The following NTM variants were observed in gnomAD, a reference collection of about 807,000 sequenced individuals.
NTM encodes neurotrimin.
A neutral mutation model predicts 42.1 loss-of-function variants in NTM; 13 were observed. The observed-to-expected ratio is 0.31, with a 90% CI of 0.20 to 0.49. The LOEUF (loss-of-function observed/expected upper bound fraction) is 0.49. Ranked by LOEUF, NTM falls within the 20% of genes least tolerant of loss-of-function variation. The probability of loss-of-function intolerance (pLI) is 0.99; values close to 1 mark genes in which losing one functional copy is unlikely to be tolerated. For synonymous variants in NTM, 187 were observed against 179.2 expected (o/e 1.04, Z -0.35); for missense variants, 373 against 452.8 (o/e 0.82, Z 1.60).
At chr11:131,803,529 C>A (rs1026041649) in intron 1 of NTM, among the ~76,000 whole-genome samples, 5 of 152,306 alleles carry the variant, frequency 3.3e-5, no homozygotes, top group African/African-American at 1.2e-4. Flanking sequence ...AGGCTAGTCT[C>A]AAACTCCTGA....
intron 2 of NTM, among the ~76,000 whole-genome samples, chr11:132,000,391 C>A (rs948947652): frequency 1.3e-5 from 2 of 152,228 alleles, no homozygotes; most frequent in Non-Finnish European, 2.9e-5. Context: ...GCTACTCCTT[C>A]TTTCATTATC....
intron 1 of NTM, among the ~76,000 whole-genome samples, chr11:131,452,140 T>G (rs1018491037): frequency 3.3e-5 from 5 of 152,232 alleles, no homozygotes; most frequent in African/African-American, 9.6e-5. Flanking sequence ...GATGCTATTT[T>G]ATCACCATCA....
At chr11:131,680,397 G>T (rs1031348257) in intron 1 of NTM, among the ~76,000 whole-genome samples, 1 of 151,542 alleles carries the variant, frequency 6.6e-6, no homozygotes, top group African/African-American at 2.4e-5. Context: ...CTGTGTGTGT[G>T]TGCGTCTGTG....
At chr11:131,486,125 C>T (rs1292903906) in intron 1 of NTM, among the ~76,000 whole-genome samples, 2 of 152,094 alleles carry the variant, frequency 1.3e-5, no homozygotes, top group Admixed American at 6.6e-5. Context: ...ATGAAGGACA[C>T]TTGGCAAGGG....
At chr11:132,084,759 TA>T (rs1405222327) in intron 2 of NTM, among the ~76,000 whole-genome samples, 2 of 152,248 alleles carry the variant, frequency 1.3e-5, no homozygotes, top group African/African-American at 4.8e-5. Context: ...CTTGGTAGTC[TA>T]TGCATGAGGC....
intron 2 of NTM, among the ~76,000 whole-genome samples, chr11:132,089,608 C>T (rs2060154993): frequency 6.6e-6 from 1 of 152,096 alleles, no homozygotes; most frequent in Non-Finnish European, 1.5e-5. Context: ...AATATCCTGC[C>T]CTGGGCTTCG....
Position 131,987,356 on chromosome 11 carries a change from CATGTT to C in NTM, c.167+75711_167+75715del, listed in dbSNP as rs371477359. Among the ~76,000 whole-genome samples, 1,213 of 151,780 alleles carry C rather than the reference CATGTT, an allele frequency of 8.0e-3. 13 individuals carry two copies. Among genetic ancestry groups the C allele is most frequent in the African/African-American group, 0.027 (1,108 of 41,300 alleles). On this transcript the variant is annotated intron_variant, in intron 2 of 8. Coordinates refer to ENST00000683400, the MANE Select transcript of NTM (RefSeq NM_001352005.2). ...ATTTAAGATTTAGCTATTTGCAAAACATGTTATTCTGTCCTATTCCTCCTATTCTA... is the reference window on the plus strand; with the variant it reads ...ATTTAAGATTTAGCTATTTGCAAAACATTCTGTCCTATTCCTCCTATTCTA...
chr11:132,298,523 G>T (rs2094711768), intron 4 of NTM, among the ~76,000 whole-genome samples: 1 of 151,416 alleles, frequency 6.6e-6, no homozygotes, highest in Admixed American at 6.6e-5. Context: ...CAACTCCAGG[G>T]CCAGCCCAGC....
At chr11:132,249,093 A>T (rs1467451746) in intron 4 of NTM, among the ~76,000 whole-genome samples, 1 of 152,160 alleles carries the variant, frequency 6.6e-6, no homozygotes, top group Non-Finnish European at 1.5e-5. Context: ...CTGCACCTGT[A>T]CCTCTGAAAG....
At chr11:132,317,010 G>A (rs1195105652) in intron 7 of NTM, among the ~76,000 whole-genome samples, 3 of 152,192 alleles carry the variant, frequency 2.0e-5, no homozygotes, top group African/African-American at 7.2e-5. Context: ...CCACCAACTT[G>A]TGCATAAACT....
chr11:132,206,296 T>G (rs759589856), intron 3 of NTM, among the ~76,000 whole-genome samples: 2 of 152,244 alleles, frequency 1.3e-5, no homozygotes, highest in Non-Finnish European at 2.9e-5. Flanking sequence ...GCACTAGGCA[T>G]TCACGCCCTT....
chr11:131,409,828 C>G (rs1169371401), intron 1 of NTM, among the ~76,000 whole-genome samples: 1 of 152,214 alleles, frequency 6.6e-6, no homozygotes, highest in Non-Finnish European at 1.5e-5. Flanking sequence ...TCTCCTTGGG[C>G]TTTCTTTCAT....
chr11:131,795,042 G>C (rs371560437), intron 1 of NTM: 12 of 961,916 alleles, frequency 1.2e-5, no homozygotes, highest in South Asian at 4.8e-5. Context: ...TAGCCAAAGG[G>C]GGGGAAAAAA....
chr11:131,552,594 T>A (rs1369157457), intron 1 of NTM, among the ~76,000 whole-genome samples: 6 of 149,958 alleles, frequency 4.0e-5, no homozygotes, highest in Non-Finnish European at 5.9e-5. Flanking sequence ...GGCAGGTGAA[T>A]CATGAGGTCA....
intron 2 of NTM, among the ~76,000 whole-genome samples, chr11:132,084,323 G>A (rs1006281159): frequency 5.9e-4 from 89 of 152,064 alleles, no homozygotes; most frequent in Non-Finnish European, 8.8e-5. Context: ...CCTTAATTAT[G>A]ATTGATAGCA....
intron 2 of NTM, among the ~76,000 whole-genome samples, chr11:132,028,031 AT>A (rs1206359276): frequency 0.011 from 1,627 of 143,664 alleles, 11 homozygotes; most frequent in African/African-American, 0.023. Context: ...ATTTCTGTTG[AT>A]TTTTTTTTTT....
chr11:132,181,847 G>A (rs572992909), intron 3 of NTM, among the ~76,000 whole-genome samples: 2 of 151,996 alleles, frequency 1.3e-5, no homozygotes, highest in Admixed American at 1.3e-4. Flanking sequence ...CTTGACCAGA[G>A]CATCCAGTAG....
At chr11:132,119,833 A>G (rs1380600290) in intron 2 of NTM, among the ~76,000 whole-genome samples, 2 of 152,268 alleles carry the variant, frequency 1.3e-5, no homozygotes, top group Non-Finnish European at 2.9e-5. Flanking sequence ...GGGTTCACAC[A>G]GCAGAGCAGT....
chr11:131,964,626 T>C (rs1205552597), intron 2 of NTM, among the ~76,000 whole-genome samples: 1 of 152,210 alleles, frequency 6.6e-6, no homozygotes, highest in Non-Finnish European at 1.5e-5. Flanking sequence ...ATAGCTTCTT[T>C]GATGGTCTCT....
Sources: gnomAD v4.1 joint callset for allele counts (sites outside exome capture counted in the v4.1 genomes callset) on GRCh38, gnomAD v4.1.1 for gene constraint, MANE v1.5 for transcripts, NCBI Gene and HGNC (gene_info 2026-07-23, HGNC 2026-07-21) for gene names.